Variants in MECR observed in about 807,000 individuals in gnomAD.
MECR encodes the protein enoyl-[acyl-carrier-protein] reductase, mitochondrial.
A neutral mutation model predicts 49.1 loss-of-function variants in MECR; 37 were observed. That is an observed-to-expected ratio of 0.75 (90% CI 0.58 to 0.99). The LOEUF is 0.99. Among genes scored for constraint, MECR ranks in the 50% least tolerant of loss-of-function variants. MECR has a pLI of 0.00. For synonymous variants in MECR, 198 were observed against 191.1 expected, an observed-to-expected ratio of 1.04 and a Z score of -0.30; for missense variants, 470 against 479.6, an observed-to-expected ratio of 0.98 and a Z score of 0.19.
In MECR at chr1:29,193,818, T is replaced by G; in HGVS notation, c.*204A>C. The G allele has an allele frequency of 1.7e-6, 1 of 595,638 alleles. No homozygotes were observed. Among genetic ancestry groups the G allele is most frequent in the Non-Finnish European group, 2.9e-6 (1 of 342,794 alleles). 36.9% of individuals were successfully genotyped at this position (595,638 alleles called of 1,614,324 possible). The stretch of plus-strand genomic sequence containing the variant: ...CTTCTCGACAGGGATGACTTCTACT[T>G]TTTGGAAGGGAGAGTTCAGACTTTA... On this transcript the variant is annotated 3_prime_UTR_variant, in exon 10 of 10. Coordinates refer to ENST00000263702, the MANE Select transcript of MECR (RefSeq NM_016011.5).
chr1:29,194,627 G>A (rs1433803750), intron 9 of MECR, among the ~76,000 whole-genome samples: 1 of 152,180 alleles, frequency 6.6e-6, no homozygotes, highest in African/African-American at 2.4e-5. Flanking sequence ...CTCTCCCTGA[G>A]AGCCCAGGAC....
At chr1:29,211,476 C>T (rs980396411) in intron 3 of MECR, among the ~76,000 whole-genome samples, 4 of 152,176 alleles carry the variant, frequency 2.6e-5, no homozygotes, top group South Asian at 2.1e-4. Flanking sequence ...ATATAGCCTA[C>T]GAAGCCTAAA....
intron 1 of MECR, among the ~76,000 whole-genome samples, chr1:29,222,661 AGCAGCTCTGC>A (rs1681057527): frequency 1.3e-5 from 2 of 152,224 alleles, no homozygotes; most frequent in Non-Finnish European, 2.9e-5. Flanking sequence ...TGGGAAGCCC[AGCAGCTCTGC>A]CATTTGAGAT....
chr1:29,201,865 C>T lies in MECR; in HGVS notation c.756+78G>A. On this transcript the variant is annotated intron_variant, in intron 6 of 9. Transcript: ENST00000263702. The surrounding 1 kb of genome is among the most constrained non-coding windows in gnomAD (Gnocchi z 4.3). ...AGAGAGGAACAATGGGGCCAGTCCC[C>T]AGTTTCTCTAATGCATGTCAACTTT... The T allele has an allele frequency of 8.2e-7, 1 of 1,223,066 alleles. No individual in the cohort carries two copies. Among genetic ancestry groups the T allele is most frequent in the East Asian group, 2.3e-5 (1 of 43,158 alleles). The allele number at this position is 1,223,066 out of a possible 1,614,324, so 75.8% of individuals were successfully genotyped here.
chr1:29,188,931 C>A (rs1673073959), downstream of MECR, among the ~76,000 whole-genome samples: 1 of 150,150 alleles, frequency 6.7e-6, no homozygotes, highest in South Asian at 2.1e-4. Context: ...AGCCACCACG[C>A]CCAGCCTATG....
downstream of MECR, among the ~76,000 whole-genome samples, chr1:29,190,943 T>C (rs1168854915): frequency 1.3e-5 from 2 of 152,042 alleles, no homozygotes; most frequent in African/African-American, 2.4e-5. Context: ...CACCTAAAAG[T>C]TGTAGGTTTT....
chr1:29,181,226 G>C, the MECR span, among the ~76,000 whole-genome samples: 1 of 152,234 alleles, frequency 6.6e-6, no homozygotes, highest in Non-Finnish European at 1.5e-5. Flanking sequence ...CCGGGCAAGA[G>C]GTGAAAGGGA....
the MECR span, among the ~76,000 whole-genome samples, chr1:29,184,352 T>C: frequency 6.7e-6 from 1 of 149,908 alleles, no homozygotes; most frequent in Non-Finnish European, 1.5e-5. Context: ...TTTTTTTGTA[T>C]CTTTAATAGA....
intron 3 of MECR, among the ~76,000 whole-genome samples, chr1:29,212,112 C>T (rs548506690): frequency 1.3e-5 from 2 of 152,324 alleles, no homozygotes; most frequent in Admixed American, 1.3e-4. Context: ...CTGGCTGGCA[C>T]CTTGCTTAAA....
At chr1:29,217,229 A>G (rs1421542243) in intron 1 of MECR, among the ~76,000 whole-genome samples, 14 of 100,750 alleles carry the variant, frequency 1.4e-4, no homozygotes, top group African/African-American at 5.2e-4. Flanking sequence ...TTTTTTTTTT[A>G]GACAGAGTCT....
At chr1:29,181,906 G>A in the MECR span, 2 of 496,578 alleles carry the variant, frequency 4.0e-6, no homozygotes, top group East Asian at 3.9e-5. Flanking sequence ...CACGCAGCTC[G>A]CGAGCGCGCG....
At chr1:29,182,395 AGTT>A in the MECR span, among the ~76,000 whole-genome samples, 2 of 152,144 alleles carry the variant, frequency 1.3e-5, no homozygotes, top group African/African-American at 4.8e-5. Flanking sequence ...AGCACTTAGT[AGTT>A]TTGTCATATC....
Position 29,202,004 on chromosome 1 carries a change from C to T in MECR, c.695G>A (p.Gly232Glu), listed in dbSNP as rs762913101. 2.4e-5 allele frequency: 39 copies of T among 1,614,044 alleles called. No homozygotes were observed. The highest frequency in any genetic ancestry group is 3.4e-6 in the Non-Finnish European group (4 of 1,180,038). ...CTCTTCTGTGATGACATGCTCAGCC[C>T]CCAGACTCTTCAGTCTGTCACTCAG... ...QKLSDRLKSLGAEHVITEEEL... is the reference protein window; with the variant it reads ...QKLSDRLKSLEAEHVITEEEL... Residue 232 changes from glycine (G) to glutamate (E), a missense_variant, in exon 6 of 10, where the codon GGG (glycine) becomes GAG (glutamate). Transcript: ENST00000263702.
chr1:29,176,595 G>C, the MECR span, among the ~76,000 whole-genome samples: 2 of 152,066 alleles, frequency 1.3e-5, no homozygotes, highest in Non-Finnish European at 2.9e-5. Flanking sequence ...AAGAATTCAG[G>C]AGTCAAAAGA....
the MECR span, among the ~76,000 whole-genome samples, chr1:29,167,743 T>C: frequency 6.6e-6 from 1 of 152,248 alleles, no homozygotes; most frequent in African/African-American, 2.4e-5. Context: ...CTTTTGATTA[T>C]GAGCTCTTCA....
intron 1 of MECR, among the ~76,000 whole-genome samples, chr1:29,229,271 C>T (rs1682873472): frequency 1.3e-5 from 2 of 151,284 alleles, no homozygotes; most frequent in Admixed American, 6.6e-5. Context: ...GGCGCAATCT[C>T]GACTCACTGC....
chr1:29,196,138 G>T (rs1358715438), intron 8 of MECR, 60 bp downstream of exon 8: 3 of 1,601,364 alleles, frequency 1.9e-6, no homozygotes, highest in Admixed American at 3.3e-5. Flanking sequence ...GCCAGGGGAT[G>T]TGGCCTGGCT....
chr1:29,169,348 G>C, the MECR span: 1 of 152,188 alleles, frequency 6.6e-6, no homozygotes, highest in African/African-American at 2.4e-5. Flanking sequence ...ACCAGAGTTG[G>C]AGAAACACAA....
chr1:29,181,008 A>C, the MECR span, among the ~76,000 whole-genome samples: 1 of 152,228 alleles, frequency 6.6e-6, no homozygotes, highest in Non-Finnish European at 1.5e-5. Context: ...ACGGAGTCTT[A>C]AAGATAAGAA....
Sources: gnomAD v4.1 joint callset for allele counts (sites outside exome capture counted in the v4.1 genomes callset) on GRCh38, gnomAD v4.1.1 for gene constraint, Gnocchi (gnomAD v3.1) non-coding constraint, MANE v1.5 for transcripts, NCBI Gene and HGNC (gene_info 2026-07-23, HGNC 2026-07-21) for gene names.